RNF166: variants seen among roughly 807,000 people sequenced by gnomAD.
RNF166 encodes the protein ring finger protein 166.
RNF166 carries 19 observed loss-of-function variants against 29.4 expected under a neutral mutation model. That is an observed-to-expected ratio of 0.65 (90% confidence interval 0.45 to 0.95). The LOEUF is 0.95. Ranked by LOEUF, RNF166 falls within the 40% of genes least tolerant of loss-of-function variation. The probability of loss-of-function intolerance (pLI) is 0.00; values close to 1 mark genes in which losing one functional copy is unlikely to be tolerated. For missense variants in RNF166, 347 were observed against 322.1 expected (o/e 1.08, Z -0.59); for synonymous variants, 171 against 134.5 (o/e 1.27, Z -1.88).
At chr16:88,698,072 G>C (rs538914226) in intron 5 of RNF166, 1 of 566,268 alleles carries the variant, frequency 1.8e-6, no homozygotes, top group African/African-American at 1.9e-5. Context: ...CCAGGAGTGA[G>C]GAGTTTGTGC....
intron 5 of RNF166, 76 bp downstream of exon 5, chr16:88,698,426 G>A: frequency 8.5e-7 from 1 of 1,178,850 alleles, no homozygotes; most frequent in African/African-American, 1.5e-5. Context: ...CGGACCCTGA[G>A]GCTGGCGAGG....
At position 88,698,663 on chromosome 16, in the gene RNF166, C is replaced by G; in HGVS notation, c.541-54G>C. ...CCGGACCGCGGAGAGGCGGGGTAGCCGCAGTAGGACTGGGGGCCCTCCACT... is the reference window on the plus strand; with the variant it reads ...CCGGACCGCGGAGAGGCGGGGTAGCGGCAGTAGGACTGGGGGCCCTCCACT... On this transcript the variant is annotated intron_variant, in intron 4 of 5. Coordinates refer to ENST00000312838, the MANE Select transcript of RNF166 (RefSeq NM_178841.4). The G allele has an allele frequency of 3.0e-6, 4 of 1,351,290 alleles. No homozygotes were observed. In the South Asian group the frequency reaches 5.7e-5, roughly 19 times the overall value. The allele number at this position is 1,351,290 out of a possible 1,614,324, so 83.7% of individuals were successfully genotyped here.
intron 1 of RNF166, chr16:88,701,687 C>A: frequency 2.3e-6 from 1 of 441,270 alleles, no homozygotes; most frequent in South Asian, 3.8e-5. Flanking sequence ...TATGGCTGTC[C>A]CCGCGAGTGG....
chr16:88,701,418 C>G lies in RNF166; in HGVS notation c.156G>C (p.Thr52=). ...RPVAIGSCGH[T]FCGECLQPCL... ...AGGGCTGGAGACACTCCCCGCAGAA[C>G]CTGCAGGGCACAGGGGCCTGAGTGC... is the stretch of plus-strand genomic sequence containing the variant. Residue 52 remains threonine, a splice_region_variant and synonymous_variant, in exon 2 of 6, where the codon ACG becomes ACC. Coordinates refer to ENST00000312838, the MANE Select transcript of RNF166 (RefSeq NM_178841.4). The G allele has an allele frequency of 3.2e-6, 5 of 1,587,220 alleles. No individual in the cohort carries two copies. Among genetic ancestry groups the G allele is most frequent in the Non-Finnish European group, 4.3e-6 (5 of 1,168,466 alleles).
chr16:88,700,762 A>G (rs1380862988), intron 2 of RNF166: 9 of 998,044 alleles, frequency 9.0e-6, no homozygotes, highest in African/African-American at 8.7e-5. Flanking sequence ...AATGAGGCCC[A>G]TGACAAGCTG....
Position 88,696,562 on chromosome 16 carries a change from A to T in RNF166, c.*1006T>A. 2.2e-6 allele frequency: 1 copy of T among 449,058 alleles called. No individual in the cohort carries two copies. The highest frequency in any genetic ancestry group is 1.6e-5 in the South Asian group (1 of 62,720). 27.8% of individuals were successfully genotyped at this position (449,058 alleles called of 1,614,324 possible). A position where few individuals can be genotyped will look rare whatever the true frequency, so the allele number is the denominator to read the frequency against. On this transcript the variant is annotated 3_prime_UTR_variant, in exon 6 of 6. Coordinates refer to ENST00000312838, the MANE Select transcript of RNF166 (RefSeq NM_178841.4). ...AAAAAAGACAGCAATAATTAATGCC[A>T]AGAACAGAAAAGAATGTTGACGTGT...
rs1958851995 is a variant in RNF166, at chr16:88,697,416, C to T, written c.*152G>A. On this transcript the variant is annotated 3_prime_UTR_variant, in exon 6 of 6. Coordinates refer to ENST00000312838, the MANE Select transcript of RNF166 (RefSeq NM_178841.4). Reference sequence around the variant, plus strand: ...CTCGGCGGCTGGCCCGTATTCAGGCCCGGAGGCTCGGCCCCGGCTCCCCTT... The same window carrying T: ...CTCGGCGGCTGGCCCGTATTCAGGCTCGGAGGCTCGGCCCCGGCTCCCCTT... 3.3e-6 allele frequency: 2 copies of T among 597,850 alleles called. No individual in the cohort carries two copies. Among genetic ancestry groups the T allele is most frequent in the Non-Finnish European group, 5.9e-6 (2 of 337,740 alleles). 37.0% of individuals were successfully genotyped at this position (597,850 alleles called of 1,614,324 possible). A position where few individuals can be genotyped will look rare whatever the true frequency, so the allele number is the denominator to read the frequency against.
At chr16:88,698,694 C>G (rs565025786) in intron 4 of RNF166, 85 bp from the exon 5 acceptor site, 1 of 1,052,542 alleles carries the variant, frequency 9.5e-7, no homozygotes, top group East Asian at 2.6e-5. Context: ...CCACTGAGCC[C>G]CGTCAGTGCT....
At chr16:88,702,982 T>C (rs1910407575) in intron 1 of RNF166, 1 of 985,404 alleles carries the variant, frequency 1.0e-6, no homozygotes, top group Non-Finnish European at 1.2e-6. Context: ...TGCCCGTCGG[T>C]AAACGGATGA....
In RNF166 at chr16:88,701,388, C is replaced by T. The variant is rs745641010; in HGVS notation, c.186G>A (p.Leu62=). The change falls in exon 2 of 6, where the codon CTG becomes CTA. Residue 62 remains leucine (L), a synonymous_variant. Transcript: ENST00000312838. The part of the protein sequence containing the change: ...TFCGECLQPC[L]QVPSPLCPLC... ...GTGGGCACAGCGGGGATGGCACCTG[C>T]AGGCAGGGCTGGAGACACTCCCCGC... The T allele has an allele frequency of 6.2e-7, 1 of 1,609,630 alleles. No homozygotes were observed. Among genetic ancestry groups the T allele is most frequent in the Non-Finnish European group, 8.5e-7 (1 of 1,178,672 alleles).
chr16:88,704,204 T>G, intron 1 of RNF166: 2 of 985,476 alleles, frequency 2.0e-6, no homozygotes, highest in South Asian at 4.7e-5. Context: ...CTGAAGAGCC[T>G]TTAAACTTTC....
At chr16:88,698,922 C>A in intron 4 of RNF166, 49 bp downstream of exon 4, 1 of 1,400,210 alleles carries the variant, frequency 7.1e-7, no homozygotes, top group Non-Finnish European at 9.9e-7. Flanking sequence ...GTACTGTCCC[C>A]CACAGGCCTC....
chr16:88,701,741 C>T (rs917310394), intron 1 of RNF166: 2 of 307,848 alleles, frequency 6.5e-6, no homozygotes, highest in South Asian at 1.7e-4. Flanking sequence ...CTCGGGCTAC[C>T]AGGTTCACGT....
At chr16:88,703,200 G>A (rs1910441903) in intron 1 of RNF166, 1 of 975,646 alleles carries the variant, frequency 1.0e-6, no homozygotes, top group Admixed American at 6.1e-5. Context: ...AGGCGAGGGG[G>A]AGAGTCCTGG....
In RNF166 at chr16:88,698,513, C is replaced by T. The variant is rs1909865163; in HGVS notation, c.637G>A (p.Asp213Asn). The T allele has an allele frequency of 2.6e-6, 4 of 1,567,684 alleles. No individual in the cohort carries two copies. Among genetic ancestry groups the T allele is most frequent in the Middle Eastern group, 1.7e-4 (1 of 6,010 alleles). The change falls in exon 5 of 6, where the codon GAC becomes AAC. Residue 213 changes from aspartate to asparagine, a missense_variant. Asp to Asn is a conservative substitution (Grantham distance 23). Coordinates refer to ENST00000312838, the MANE Select transcript of RNF166 (RefSeq NM_178841.4). The stretch of plus-strand genomic sequence containing the variant: ...GGCGGGATGCCTACCACAAAGGTGT[C>T]GTAGGAGAACTTGTGTCGGTGAAGC... ...HLLHRHKFSYDTFVDYSIDEE... is the reference protein window; with the variant it reads ...HLLHRHKFSYNTFVDYSIDEE...
At chr16:88,704,026 C>T (rs572122558) in intron 1 of RNF166, 401 of 985,446 alleles carry the variant, frequency 4.1e-4, no homozygotes, top group Non-Finnish European at 4.7e-4. Context: ...GAGAACAGCT[C>T]CTGCTGGGCC....
chr16:88,697,963 G>C (rs1205255527), intron 5 of RNF166: 6 of 473,928 alleles, frequency 1.3e-5, no homozygotes, highest in Non-Finnish European at 2.3e-5. Flanking sequence ...GAGGCAGGCG[G>C]AGCGTGGGTC....
Position 88,696,832 on chromosome 16 carries a change from A to AGT in RNF166, c.*735_*736insAC. On this transcript the variant is annotated 3_prime_UTR_variant, in exon 6 of 6. Transcript: ENST00000312838. Reference sequence around the variant, plus strand: ...AGAAACGTACAAACCTCAAGGACCCAGACACACAGTGGGTGGCCAGGGCAG... The same window carrying AGT: ...AGAAACGTACAAACCTCAAGGACCCAGTGACACACAGTGGGTGGCCAGGGCAG... 3 of 334,620 alleles carry AGT rather than the reference A, an allele frequency of 9.0e-6. No homozygotes were observed. 20.7% of individuals were successfully genotyped at this position (334,620 alleles called of 1,614,324 possible). A position where few individuals can be genotyped will look rare whatever the true frequency, so the allele number is the denominator to read the frequency against.
At chr16:88,700,880 C>G in intron 2 of RNF166, 2 of 1,124,242 alleles carry the variant, frequency 1.8e-6, no homozygotes, top group Non-Finnish European at 1.1e-6. Flanking sequence ...TGACTGTGCC[C>G]GCGGCCCTTG....
Sources: gnomAD v4.1 joint callset for allele counts on GRCh38, gnomAD v4.1.1 for gene constraint, MANE v1.5 for transcripts, NCBI Gene and HGNC (gene_info 2026-07-23, HGNC 2026-07-21) for gene names.